LHPP: variants seen among roughly 807,000 people sequenced by gnomAD.
The protein encoded by LHPP is phospholysine phosphohistidine inorganic pyrophosphate phosphatase.
In LHPP, 24 loss-of-function variants were observed where a neutral mutation model predicts 30.3. The observed-to-expected ratio is 0.79, with a 90% CI of 0.57 to 1.11. LHPP has a LOEUF of 1.11. Ranked by LOEUF, LHPP falls within the 50% of genes most tolerant of loss-of-function variation. The pLI is 0.00. For synonymous variants in LHPP, 150 were observed against 157.1 expected (o/e 0.95, Z 0.34); for missense variants, 356 against 367.2 (o/e 0.97, Z 0.25).
intron 6 of LHPP, among the ~76,000 whole-genome samples, chr10:124,566,715 A>G (rs1948496580): frequency 6.6e-6 from 1 of 152,130 alleles, no homozygotes; most frequent in African/African-American, 2.4e-5. Flanking sequence ...TGGCCTGGCC[A>G]CTGTGAGGCT....
chr10:124,494,611 G>A (rs1462084588), intron 3 of LHPP, among the ~76,000 whole-genome samples: 3 of 152,172 alleles, frequency 2.0e-5, no homozygotes, highest in African/African-American at 7.2e-5. Context: ...TGCCTGTGGT[G>A]GCGTGGCCAC....
chr10:124,566,228 T>C (rs1182924098), intron 6 of LHPP, among the ~76,000 whole-genome samples: 1 of 152,234 alleles, frequency 6.6e-6, no homozygotes, highest in East Asian at 1.9e-4. Flanking sequence ...CTCTCCAGAT[T>C]CTTGGCGCCT....
intron 6 of LHPP, among the ~76,000 whole-genome samples, chr10:124,542,809 A>C (rs1955231428): frequency 6.6e-6 from 1 of 151,140 alleles, no homozygotes; most frequent in South Asian, 2.1e-4. Context: ...GCCTCCCCTC[A>C]CGTTCATGGG....
chr10:124,526,027 C>A, intron 6 of LHPP: 1 of 242,440 alleles, frequency 4.1e-6, no homozygotes, highest in Non-Finnish European at 6.6e-6. Flanking sequence ...CCCCTGTAGG[C>A]AGCCTCCCAA....
rs375800783 is a variant in LHPP, at chr10:124,550,730, G to A, written c.716+33459G>A. On this transcript the variant is annotated intron_variant, in intron 6 of 6. Coordinates refer to ENST00000368842, the MANE Select transcript of LHPP (RefSeq NM_022126.4). ...GACTCACTTCCCCTCTCCAGGCGGC[G>A]ATTCCGGAAAGGAGGCTCTGGAATG... Among the ~76,000 whole-genome samples, 85 of 152,318 alleles carry A rather than the reference G, an allele frequency of 5.6e-4. 1 individual carries two copies. The South Asian group carries it at 7.0e-3, about 13-fold the overall frequency.
chr10:124,566,589 T>C (rs1411802033), intron 6 of LHPP, among the ~76,000 whole-genome samples: 3 of 152,282 alleles, frequency 2.0e-5, no homozygotes, highest in East Asian at 1.9e-4. Context: ...ACCATGGAAG[T>C]TGGCAAATGC....
chr10:124,611,875 C>T (rs895321468), intron 6 of LHPP, among the ~76,000 whole-genome samples: 2 of 152,234 alleles, frequency 1.3e-5, no homozygotes, highest in Admixed American at 6.5e-5. Flanking sequence ...GGCGCTGCTG[C>T]CGGGAGACTG....
At chr10:124,611,130 C>T (rs574551381) in intron 6 of LHPP, among the ~76,000 whole-genome samples, 2 of 151,818 alleles carry the variant, frequency 1.3e-5, no homozygotes, top group South Asian at 4.2e-4. Flanking sequence ...GCAGAGTGGC[C>T]GTGCTTGGGA....
chr10:124,519,093 G>A (rs1201442560), intron 6 of LHPP, among the ~76,000 whole-genome samples: 1 of 152,142 alleles, frequency 6.6e-6, no homozygotes, highest in Non-Finnish European at 1.5e-5. Flanking sequence ...GACTACAGGT[G>A]TGCACCACCA....
intron 6 of LHPP, among the ~76,000 whole-genome samples, chr10:124,567,112 C>T (rs190605176): frequency 6.6e-6 from 1 of 152,234 alleles, no homozygotes; most frequent in Non-Finnish European, 1.5e-5. Flanking sequence ...CAGAACTCCA[C>T]GAGCTCAGAG....
chr10:124,561,899 G>A (rs1428600903), intron 6 of LHPP, among the ~76,000 whole-genome samples: 1 of 152,188 alleles, frequency 6.6e-6, no homozygotes, highest in African/African-American at 2.4e-5. Context: ...CACCAGCACT[G>A]AGATGACACA....
rs1954087225 is a variant in LHPP at position 124,506,709 on chromosome 10, G to A, written c.624+8581G>A. ...AGATTTCAGGTTGGCGGGTAGGGAA[G>A]ATTTCAAGTGGGGTGGGTAAGGAGG... On this transcript the variant is annotated intron_variant, in intron 5 of 6. Coordinates refer to ENST00000368842, the MANE Select transcript of LHPP (RefSeq NM_022126.4). 2.7e-5 allele frequency among the ~76,000 whole-genome samples: 2 copies of A among 74,970 alleles called. 1 individual carries two copies. The highest frequency in any genetic ancestry group is 3.0e-4 in the Admixed American group (2 of 6,746). The allele number at this position is 74,970 out of a possible 152,430, so 49.2% of individuals were successfully genotyped here.
At position 124,474,590 on chromosome 10, in the gene LHPP, C is replaced by A. The variant is rs187980290; in HGVS notation, c.126-9549C>A. 2.6e-5 allele frequency among the ~76,000 whole-genome samples: 4 copies of A among 152,340 alleles called. No individual in the cohort carries two copies. The East Asian group carries it at 5.8e-4, about 22-fold the overall frequency. Reference sequence around the variant, plus strand: ...CCCAGTTCTGTCCCTAGACAAGTCACTGAACCCCTCCAAACCACAGGTCCC... The same window carrying A: ...CCCAGTTCTGTCCCTAGACAAGTCAATGAACCCCTCCAAACCACAGGTCCC... On this transcript the variant is annotated intron_variant, in intron 1 of 6. Transcript: ENST00000368842.
At chr10:124,535,038 C>G (rs539877021) in intron 6 of LHPP, among the ~76,000 whole-genome samples, 2 of 152,322 alleles carry the variant, frequency 1.3e-5, no homozygotes, top group South Asian at 4.1e-4. Context: ...AAACCTCTCT[C>G]GATTGTGTGG....
intron 5 of LHPP, among the ~76,000 whole-genome samples, chr10:124,511,683 A>T (rs1160911350): frequency 1.3e-5 from 2 of 152,188 alleles, no homozygotes; most frequent in Admixed American, 6.5e-5. Flanking sequence ...TTTTCAGCTG[A>T]AACTACCTCC....
intron 6 of LHPP, among the ~76,000 whole-genome samples, chr10:124,534,305 T>A (rs1455688855): frequency 6.6e-6 from 1 of 152,242 alleles, no homozygotes; most frequent in African/African-American, 2.4e-5. Context: ...GGATTGTCTT[T>A]CTCTACCGCA....
In LHPP at chr10:124,582,381, G is replaced by A. The variant is rs534334860; in HGVS notation, c.717-30883G>A. On this transcript the variant is annotated intron_variant, in intron 6 of 6. Transcript: ENST00000368842. ...TTATAGGTGTGAGCCACCACATCTA[G>A]CCTCCTTTGCACATTTTAAAAGTGG... is the stretch of plus-strand genomic sequence containing the variant. Among the ~76,000 whole-genome samples, 4 of 152,284 alleles carry A rather than the reference G, an allele frequency of 2.6e-5. No individual in the cohort carries two copies. In the South Asian group the frequency reaches 8.3e-4, roughly 32 times the overall value.
In LHPP at chr10:124,611,010, C is replaced by CGGGTGA. The variant is rs1949189926; in HGVS notation, c.717-2249_717-2248insAGGGTG. Reference sequence around the variant, plus strand: ...GGAGCGGGTGAGGGTGTTAATGAAGCGGGTGCGGGTGAGGGTGCTGATGGA... The same window carrying CGGGTGA: ...GGAGCGGGTGAGGGTGTTAATGAAGCGGGTGAGGGTGCGGGTGAGGGTGCTGATGGA... On this transcript the variant is annotated intron_variant, in intron 6 of 6. Coordinates refer to ENST00000368842, the MANE Select transcript of LHPP (RefSeq NM_022126.4). Among the ~76,000 whole-genome samples the CGGGTGA allele has an allele frequency of 1.1e-4, 4 of 36,362 alleles. 1 individual carries two copies. The highest frequency in any genetic ancestry group is 1.3e-3 in the East Asian group (1 of 768). The allele number at this position is 36,362 out of a possible 152,430, so 23.9% of individuals were successfully genotyped here.
chr10:124,529,404 A>G (rs1479696779), intron 6 of LHPP, among the ~76,000 whole-genome samples: 2 of 152,058 alleles, frequency 1.3e-5, no homozygotes, highest in Non-Finnish European at 2.9e-5. Context: ...CGAGCAGCCC[A>G]CACAGCTCCC....
Sources: gnomAD v4.1 joint callset for allele counts (sites outside exome capture counted in the v4.1 genomes callset) on GRCh38, gnomAD v4.1.1 for gene constraint, MANE v1.5 for transcripts, NCBI Gene and HGNC (gene_info 2026-07-23, HGNC 2026-07-21) for gene names.